Variants in LRP1B observed in about 807,000 individuals in gnomAD.
The protein encoded by LRP1B is LDL receptor related protein 1B, also known as low-density lipoprotein receptor-related protein 1B.
Under a neutral mutation model 556.6 loss-of-function variants are expected in LRP1B, and 217 were observed. The ratio of observed to expected loss-of-function variants is 0.39; its 90% CI spans 0.35 to 0.44. LRP1B has a LOEUF of 0.44. LRP1B is among the 20% of genes least tolerant of loss of function. LRP1B has a pLI of 1.00. For missense variants in LRP1B, 5,053 were observed against 5,620.8 expected (o/e 0.90, Z 3.23); for synonymous variants, 2,047 against 1,865.8 (o/e 1.10, Z -2.50).
chr2:142,060,360 T>A (rs1431311116), intron 1 of LRP1B, among the ~76,000 whole-genome samples: 1 of 151,956 alleles, frequency 6.6e-6, no homozygotes, highest in Non-Finnish European at 1.5e-5. Flanking sequence ...TCTGAAAAGG[T>A]TAAATGCAAG....
chr2:140,824,602 C>G (rs1370691982), intron 31 of LRP1B, among the ~76,000 whole-genome samples: 1 of 152,066 alleles, frequency 6.6e-6, no homozygotes, highest in African/African-American at 2.4e-5. Context: ...CCTAGCTAGT[C>G]ATGTACTTAC....
At chr2:142,118,138 A>AT (rs1056905559) in intron 1 of LRP1B, among the ~76,000 whole-genome samples, 13 of 151,056 alleles carry the variant, frequency 8.6e-5, no homozygotes, top group Admixed American at 1.3e-4. Context: ...CCTTTATATG[A>AT]TTTTTTTTTC....
intron 1 of LRP1B, among the ~76,000 whole-genome samples, chr2:141,857,870 C>T (rs543891781): frequency 6.6e-6 from 1 of 152,218 alleles, no homozygotes; most frequent in East Asian, 1.9e-4. Context: ...TAAAGCCTAC[C>T]TTAAATGTCA....
At chr2:141,868,011 C>A (rs1304003779) in intron 1 of LRP1B, among the ~76,000 whole-genome samples, 2 of 152,138 alleles carry the variant, frequency 1.3e-5, no homozygotes, top group African/African-American at 2.4e-5. Context: ...ACCATCATCT[C>A]CAAGTGGCAG....
chr2:140,395,659 G>C (rs890752207), intron 66 of LRP1B, among the ~76,000 whole-genome samples: 2 of 152,126 alleles, frequency 1.3e-5, no homozygotes, highest in African/African-American at 4.8e-5. Context: ...AGAAGAGAAA[G>C]TCTTATAAAG....
rs527865180 is a variant in LRP1B at position 140,795,130 on chromosome 2, A to C, written c.5359+18527T>G. 2.2e-4 allele frequency among the ~76,000 whole-genome samples: 33 copies of C among 152,304 alleles called. No individual in the cohort carries two copies. The South Asian group carries it at 4.1e-3, about 19-fold the overall frequency. ...AGCCACAAGTATTATTTGTCTTACT[A>C]TTATACTAACTAAAGAGCCTTCTTG... is the stretch of plus-strand genomic sequence containing the variant. On this transcript the variant is annotated intron_variant, in intron 32 of 90. Transcript: ENST00000389484.
intron 2 of LRP1B, among the ~76,000 whole-genome samples, chr2:141,660,831 C>T (rs906067851): frequency 7.2e-5 from 11 of 152,140 alleles, no homozygotes; most frequent in Admixed American, 4.6e-4. Context: ...GCACCCAGCG[C>T]GTTTTGTTAA....
chr2:142,040,205 TTGC>T (rs1704017528), intron 1 of LRP1B, among the ~76,000 whole-genome samples: 1 of 151,490 alleles, frequency 6.6e-6, no homozygotes, highest in Non-Finnish European at 1.5e-5. Context: ...TTTTTAATGC[TTGC>T]TGCTATCCAC....
At chr2:140,829,749 T>G (rs1010070363) in intron 31 of LRP1B, among the ~76,000 whole-genome samples, 1 of 151,252 alleles carries the variant, frequency 6.6e-6, no homozygotes, top group East Asian at 1.9e-4. Context: ...CCAAAAGTAG[T>G]AGAAGAAAAA....
At chr2:141,112,752 T>C (rs1228629766) in intron 7 of LRP1B, among the ~76,000 whole-genome samples, 2 of 152,196 alleles carry the variant, frequency 1.3e-5, no homozygotes, top group Admixed American at 6.5e-5. Flanking sequence ...ACTAATTCAA[T>C]TGTCTAGGTA....
chr2:141,280,287 A>T (rs560549411), intron 3 of LRP1B, among the ~76,000 whole-genome samples: 3 of 152,042 alleles, frequency 2.0e-5, no homozygotes, highest in African/African-American at 7.2e-5. Context: ...ATGACGAGTT[A>T]TTTGGTTTCA....
At chr2:141,734,630 GTA>G (rs1693397896) in intron 2 of LRP1B, among the ~76,000 whole-genome samples, 1 of 152,042 alleles carries the variant, frequency 6.6e-6, no homozygotes, top group African/African-American at 2.4e-5. Context: ...CTGCGCATTT[GTA>G]TGTAAGTTTC....
At position 140,598,611 on chromosome 2, in the gene LRP1B, G is replaced by C. The variant is rs1287150813; in HGVS notation, c.7194+20C>G. 1 of 1,583,436 alleles carries C rather than the reference G, an allele frequency of 6.3e-7. No individual in the cohort carries two copies. Among genetic ancestry groups the C allele is most frequent in the African/African-American group, 1.3e-5 (1 of 74,210 alleles). The stretch of plus-strand genomic sequence containing the variant: ...TATCATTGTATAACTCTATAACCAA[G>C]AAATTCCTGATTAACTTACATGTCT... On this transcript the variant is annotated intron_variant, in intron 43 of 90. Coordinates refer to ENST00000389484, the MANE Select transcript of LRP1B (RefSeq NM_018557.3).
chr2:141,686,696 A>G (rs1266482497), intron 2 of LRP1B, among the ~76,000 whole-genome samples: 1 of 152,028 alleles, frequency 6.6e-6, no homozygotes, highest in African/African-American at 2.4e-5. Flanking sequence ...ACTCATGTTG[A>G]AACTTCATCC....
At chr2:141,935,430 A>G (rs934252555) in intron 1 of LRP1B, among the ~76,000 whole-genome samples, 1 of 152,226 alleles carries the variant, frequency 6.6e-6, no homozygotes, top group Non-Finnish European at 1.5e-5. Context: ...GACATCTGTC[A>G]ATTAGACATT....
At chr2:141,245,182 C>T (rs1233268501) in intron 5 of LRP1B, among the ~76,000 whole-genome samples, 2 of 152,176 alleles carry the variant, frequency 1.3e-5, no homozygotes, top group Non-Finnish European at 2.9e-5. Flanking sequence ...TGAGTGGTGG[C>T]AAAAAGGAAA....
At chr2:140,591,024 G>T (rs917274155) in intron 43 of LRP1B, among the ~76,000 whole-genome samples, 1 of 152,066 alleles carries the variant, frequency 6.6e-6, no homozygotes, top group Non-Finnish European at 1.5e-5. Flanking sequence ...CTGTTCTAAA[G>T]ATTAGAAAGT....
chr2:141,657,928 G>T (rs1035215751), intron 2 of LRP1B, among the ~76,000 whole-genome samples: 3 of 152,010 alleles, frequency 2.0e-5, no homozygotes, highest in Admixed American at 2.0e-4. Context: ...TCTATTAATT[G>T]AAAAAGGTTT....
chr2:140,722,304 T>C lies in LRP1B; in HGVS notation c.5759-5488A>G, dbSNP rs1174784547. Among the ~76,000 whole-genome samples, 4 of 152,240 alleles carry C rather than the reference T, an allele frequency of 2.6e-5. No individual in the cohort carries two copies. The East Asian group carries it at 7.7e-4, about 29-fold the overall frequency. ...TGCTATGAAAATTCTTTATTTTCCA[T>C]GTCTTAGAAGAGACATACACTATCA... On this transcript the variant is annotated intron_variant, in intron 35 of 90. Coordinates refer to ENST00000389484, the MANE Select transcript of LRP1B (RefSeq NM_018557.3).
Sources: allele counts gnomAD v4.1 joint callset (sites outside exome capture counted in the v4.1 genomes callset), GRCh38; gene constraint gnomAD v4.1.1; transcripts MANE v1.5; gene names NCBI Gene and HGNC (gene_info 2026-07-23, HGNC 2026-07-21).